Variants in DYSF observed in about 807,000 individuals in gnomAD.
The protein encoded by DYSF is dystrophy-associated fer-1-like 1.
DYSF carries 212 observed loss-of-function variants against 274.9 expected under a neutral mutation model. The ratio of observed to expected loss-of-function variants is 0.77; its 90% CI spans 0.69 to 0.86. DYSF has a LOEUF of 0.86. DYSF is among the 40% of genes least tolerant of loss of function. DYSF has a pLI of 0.00. For synonymous variants in DYSF, 1,091 were observed against 1,078.7 expected, an observed-to-expected ratio of 1.01 and a Z score of -0.22; for missense variants, 2,666 against 2,783.2, an observed-to-expected ratio of 0.96 and a Z score of 0.95.
intron 30 of DYSF, among the ~76,000 whole-genome samples, chr2:71,583,236 A>G (rs1180501852): frequency 6.6e-6 from 1 of 152,186 alleles, no homozygotes; most frequent in African/African-American, 2.4e-5. Context: ...CGCTCACTCC[A>G]GCACCTGCTG....
intron 17 of DYSF, among the ~76,000 whole-genome samples, chr2:71,550,509 C>T (rs574918849): frequency 2.6e-5 from 4 of 151,744 alleles, no homozygotes; most frequent in African/African-American, 9.7e-5. Context: ...GCTAGCTGGG[C>T]TCCATCCCTG....
intron 41 of DYSF, among the ~76,000 whole-genome samples, chr2:71,640,932 T>G (rs72904623): frequency 0.051 from 7,801 of 152,236 alleles, 678 homozygotes; most frequent in African/African-American, 0.18. Context: ...CATTGAGATC[T>G]TTTCCACTTT....
intron 14 of DYSF, 115 bp from the exon 15 acceptor site, chr2:71,534,906 C>G (rs2089152099): frequency 8.9e-7 from 1 of 1,121,006 alleles, no homozygotes. Context: ...GTCTTACACC[C>G]AGCCCTAAGG....
chr2:71,661,116 C>CAAAAAAAAA (rs55761719), intron 45 of DYSF, among the ~76,000 whole-genome samples: 15 of 85,842 alleles, frequency 1.7e-4, no homozygotes, highest in Non-Finnish European at 2.7e-4. Context: ...AACCCTGTCT[C>CAAAAAAAAA]AAAAAAAAAA....
At chr2:71,458,233 A>G (rs1250362641) in intron 1 of DYSF, among the ~76,000 whole-genome samples, 1 of 152,258 alleles carries the variant, frequency 6.6e-6, no homozygotes, top group African/African-American at 2.4e-5. Context: ...GGCAAGCAAT[A>G]AATGTTAACT....
intron 1 of DYSF, among the ~76,000 whole-genome samples, 172 bp downstream of exon 1, chr2:71,467,105 A>C (rs1177665157): frequency 6.6e-6 from 1 of 152,252 alleles, no homozygotes; most frequent in Non-Finnish European, 1.5e-5. Flanking sequence ...GGCGATGAGG[A>C]ATAAGCAGAG....
In DYSF at chr2:71,513,836, C is replaced by G. The variant is rs1199287169; in HGVS notation, c.674C>G (p.Pro225Arg). The change falls in exon 7 of 56, where the codon CCT becomes CGT. Residue 225 changes from proline (P) to arginine (R), a missense_variant. Physicochemically the swap from Pro to Arg is moderately radical, Grantham distance 103. Around this residue, in one of 3 missense-constraint regions of DYSF, gnomAD observed 794 missense variants for 777.1 expected, o/e 1.02. Coordinates refer to ENST00000410020, the MANE Select transcript of DYSF (RefSeq NM_001130987.2). ...ACCCCAAGGAAACTACCTTCACGTC[C>G]TCCGCCCCACTACCCCGGGATCAAA... ...PTTPRKLPSR[P>R]PPHYPGIKRK... The G allele has an allele frequency of 6.2e-7, 1 of 1,614,106 alleles. No homozygotes were observed. The highest frequency in any genetic ancestry group is 2.2e-5 in the East Asian group (1 of 44,882).
At chr2:71,553,351 AG>A (rs2091098256) in intron 20 of DYSF, among the ~76,000 whole-genome samples, 163 bp downstream of exon 20, 1 of 152,110 alleles carries the variant, frequency 6.6e-6, no homozygotes, top group African/African-American at 2.4e-5. Context: ...CCTCCAGGCA[AG>A]GGGCCCTGCT....
At chr2:71,686,394 C>T (rs1460036127) in intron 55 of DYSF, 60 bp from the exon 56 acceptor site, 3 of 1,605,044 alleles carry the variant, frequency 1.9e-6, no homozygotes, top group Admixed American at 1.7e-5. Context: ...GGGACAGCTG[C>T]TCTGGCTGTG....
intron 33 of DYSF, among the ~76,000 whole-genome samples, chr2:71,599,510 G>T (rs1176991671): frequency 6.6e-6 from 1 of 152,248 alleles, no homozygotes; most frequent in African/African-American, 2.4e-5. Flanking sequence ...AAGCCTTTGG[G>T]AAAGACCCAG....
intron 17 of DYSF, chr2:71,549,450 G>A: frequency 2.6e-6 from 4 of 1,554,646 alleles, no homozygotes; most frequent in Non-Finnish European, 3.5e-6. Context: ...TTTGGCTAGA[G>A]GGGCGAGGGT....
At chr2:71,494,265 C>A (rs1174920576) in intron 3 of DYSF, among the ~76,000 whole-genome samples, 1 of 152,180 alleles carries the variant, frequency 6.6e-6, no homozygotes, top group African/African-American at 2.4e-5. Context: ...GATTAGGTTA[C>A]TCATCCCTGG....
At chr2:71,460,471 A>G (rs2081239574) in intron 1 of DYSF, among the ~76,000 whole-genome samples, 1 of 152,184 alleles carries the variant, frequency 6.6e-6, no homozygotes, top group Admixed American at 6.5e-5. Context: ...TCTGTGGATG[A>G]AGGGGAGAAC....
At chr2:71,514,149 A>T (rs1378870116) in intron 7 of DYSF, among the ~76,000 whole-genome samples, 13 of 132,890 alleles carry the variant, frequency 9.8e-5, no homozygotes, top group African/African-American at 3.1e-4. Context: ...TTTGCGCTTA[A>T]AAAAAAAAAA....
chr2:71,502,662 C>T lies in DYSF; in HGVS notation c.240-552C>T, dbSNP rs115959302. Among the ~76,000 whole-genome samples, 504 of 152,310 alleles carry T rather than the reference C, an allele frequency of 3.3e-3. 3 individuals are homozygous for T. The highest frequency in any genetic ancestry group is 0.012 in the African/African-American group (479 of 41,570). On this transcript the variant is annotated intron_variant, in intron 3 of 55. Coordinates refer to ENST00000410020, the MANE Select transcript of DYSF (RefSeq NM_001130987.2). Reference sequence around the variant, plus strand: ...AGCCTCTGGTGCGTGTGGTATGGACCGCCCAGGGCCTCTCAGGAGTGGAGC... The same window carrying T: ...AGCCTCTGGTGCGTGTGGTATGGACTGCCCAGGGCCTCTCAGGAGTGGAGC...
chr2:71,662,781 ATG>A (rs751912129), intron 45 of DYSF, among the ~76,000 whole-genome samples: 16 of 136,328 alleles, frequency 1.2e-4, no homozygotes, highest in East Asian at 8.9e-4. Flanking sequence ...GTGTGTGTGT[ATG>A]TGTGTTTGTG....
chr2:71,671,860 G>A (rs947058995), intron 51 of DYSF, among the ~76,000 whole-genome samples: 16 of 152,184 alleles, frequency 1.1e-4, no homozygotes, highest in Non-Finnish European at 1.9e-4. Context: ...GGGCCAACCC[G>A]TGGGCGAGTT....
At chr2:71,504,064 G>C (rs972330824) in intron 4 of DYSF, among the ~76,000 whole-genome samples, 2 of 152,198 alleles carry the variant, frequency 1.3e-5, no homozygotes, top group Non-Finnish European at 1.5e-5. Context: ...GCCCCGTGGC[G>C]GGTGTGTGAG....
At chr2:71,464,976 G>A (rs1427818777), upstream of DYSF, among the ~76,000 whole-genome samples, 1 of 152,162 alleles carries the variant, frequency 6.6e-6, no homozygotes, top group Admixed American at 6.5e-5. Context: ...GGTTGAAGGT[G>A]TCACTGGGTG....
Sources: gnomAD v4.1 joint callset for allele counts (sites outside exome capture counted in the v4.1 genomes callset) on GRCh38, gnomAD v4.1.1 for gene constraint, gnomAD v4.1.1 regional missense constraint, MANE v1.5 for transcripts, NCBI Gene and HGNC (gene_info 2026-07-23, HGNC 2026-07-21) for gene names.